Variants in NCAM2 observed in about 807,000 individuals in gnomAD.
NCAM2 encodes the protein N-CAM-2.
In NCAM2, 30 loss-of-function variants were observed where a neutral mutation model predicts 98.1. That is an observed-to-expected ratio of 0.31 (90% confidence interval 0.23 to 0.41). The LOEUF is 0.41. Among genes scored for constraint, NCAM2 ranks in the 10% least tolerant of loss-of-function variants. The pLI is 1.00. For synonymous variants in NCAM2, 368 were observed against 342.4 expected (o/e 1.07, Z -0.83); for missense variants, 867 against 1,005.8 (o/e 0.86, Z 1.87).
chr21:21,313,269 A>G (rs117097834), intron 5 of NCAM2, among the ~76,000 whole-genome samples: 1 of 151,238 alleles, frequency 6.6e-6, no homozygotes, highest in Non-Finnish European at 1.5e-5. Flanking sequence ...ATTTTTGCTT[A>G]TTTTGCTCTT....
At chr21:21,096,297 G>T (rs1381475069) in intron 1 of NCAM2, among the ~76,000 whole-genome samples, 1 of 151,384 alleles carries the variant, frequency 6.6e-6, no homozygotes, top group African/African-American at 2.4e-5. Context: ...ATTTTCACTA[G>T]ATATTAACGA....
At chr21:21,426,828 T>C (rs142025068) in intron 11 of NCAM2, among the ~76,000 whole-genome samples, 7 of 152,286 alleles carry the variant, frequency 4.6e-5, no homozygotes, top group African/African-American at 1.7e-4. Context: ...CTTAGAACCA[T>C]AGCAGCAAGT....
rs371852300 is a variant in NCAM2, at chr21:21,022,438, A to T, written c.55+23820A>T. On this transcript the variant is annotated intron_variant, in intron 1 of 17. Transcript: ENST00000400546. The stretch of plus-strand genomic sequence containing the variant: ...ATGTCCTGCCTAACTAAATTATTTT[A>T]ATTTTTGCATGGCTTTAAATGTTCT... Among the ~76,000 whole-genome samples the T allele has an allele frequency of 7.9e-5, 12 of 152,192 alleles. No individual in the cohort carries two copies. The East Asian group carries it at 2.1e-3, about 27-fold the overall frequency.
intron 15 of NCAM2, among the ~76,000 whole-genome samples, chr21:21,490,866 A>G (rs1242536383): frequency 6.6e-6 from 1 of 151,812 alleles, no homozygotes; most frequent in African/African-American, 2.4e-5. Context: ...CCTCAACATA[A>G]TATCCAGCAC....
At chr21:21,492,950 C>T (rs911166445) in intron 15 of NCAM2, among the ~76,000 whole-genome samples, 4 of 151,852 alleles carry the variant, frequency 2.6e-5, no homozygotes, top group African/African-American at 7.2e-5. Context: ...TATAATTTCA[C>T]AATAGCTGAA....
At chr21:21,385,836 C>G in intron 9 of NCAM2, 1 of 165,992 alleles carries the variant, frequency 6.0e-6, no homozygotes, top group Non-Finnish European at 1.2e-5. Context: ...ATTAATTAGA[C>G]TTAATTATTT....
At chr21:21,299,032 A>G (rs2073604901) in intron 5 of NCAM2, among the ~76,000 whole-genome samples, 1 of 151,492 alleles carries the variant, frequency 6.6e-6, no homozygotes, top group Non-Finnish European at 1.5e-5. Flanking sequence ...ACTTATAGAA[A>G]TCTATAGGGA....
intron 1 of NCAM2, among the ~76,000 whole-genome samples, chr21:21,112,761 T>C (rs1387013545): frequency 6.6e-6 from 1 of 152,166 alleles, no homozygotes; most frequent in East Asian, 1.9e-4. Flanking sequence ...TAGCAGATTA[T>C]TATAGGAGAT....
intron 9 of NCAM2, among the ~76,000 whole-genome samples, chr21:21,382,542 G>C (rs1490796957): frequency 1.4e-5 from 2 of 147,458 alleles, no homozygotes; most frequent in East Asian, 2.0e-4. Context: ...TTGAGATGGA[G>C]TCTTGCTTTG....
chr21:21,501,082 C>A (rs1176161694), intron 15 of NCAM2, among the ~76,000 whole-genome samples: 1 of 152,008 alleles, frequency 6.6e-6, no homozygotes, highest in Non-Finnish European at 1.5e-5. Context: ...CACATTGACT[C>A]TTTGAACTAC....
At chr21:21,001,268 A>G (rs1361409601) in intron 1 of NCAM2, among the ~76,000 whole-genome samples, 3 of 152,226 alleles carry the variant, frequency 2.0e-5, no homozygotes, top group Non-Finnish European at 4.4e-5. Context: ...CTCTCAATAC[A>G]ACCTTATTGT....
At chr21:21,253,769 C>G (rs1028040298) in intron 1 of NCAM2, among the ~76,000 whole-genome samples, 1 of 152,102 alleles carries the variant, frequency 6.6e-6, no homozygotes, top group Non-Finnish European at 1.5e-5. Context: ...AGTATTCAAA[C>G]TTAAAATGCT....
At chr21:21,066,519 A>G (rs979843718) in intron 1 of NCAM2, among the ~76,000 whole-genome samples, 2 of 152,124 alleles carry the variant, frequency 1.3e-5, no homozygotes, top group Non-Finnish European at 2.9e-5. Context: ...GGACACAGCT[A>G]AAAAATGATG....
rs1568855548 is a variant in NCAM2, at chr21:21,265,052, C to CTGTGTATATATATACACATA, written c.56-15525_56-15524insGTGTATATATATACACATAT. Among the ~76,000 whole-genome samples, 20 of 4,520 alleles carry CTGTGTATATATATACACATA rather than the reference C, an allele frequency of 4.4e-3. No homozygotes were observed. The East Asian group carries it at 0.083, about 19-fold the overall frequency. 3.0% of individuals were successfully genotyped at this position (4,520 alleles called of 152,430 possible). On this transcript the variant is annotated intron_variant, in intron 1 of 17. Coordinates refer to ENST00000400546, the MANE Select transcript of NCAM2 (RefSeq NM_004540.5). ...CTGTGTATATATGTACACATATATACTATATATGTGTATGTGTATATATAT... is the reference window on the plus strand; with the variant it reads ...CTGTGTATATATGTACACATATATACTGTGTATATATATACACATATATATATGTGTATGTGTATATATAT...
chr21:21,491,832 A>G (rs1207376445), intron 15 of NCAM2, among the ~76,000 whole-genome samples: 1 of 151,618 alleles, frequency 6.6e-6, no homozygotes, highest in Non-Finnish European at 1.5e-5. Flanking sequence ...TAATGCATTT[A>G]TAAGTCTTAT....
At chr21:21,185,480 T>TA (rs1192672545) in intron 1 of NCAM2, among the ~76,000 whole-genome samples, 1 of 152,174 alleles carries the variant, frequency 6.6e-6, no homozygotes, top group South Asian at 2.1e-4. Flanking sequence ...ACTTTACTTG[T>TA]AAAAAATTGC....
At chr21:21,410,865 G>C (rs1222402950) in intron 10 of NCAM2, among the ~76,000 whole-genome samples, 2 of 149,416 alleles carry the variant, frequency 1.3e-5, no homozygotes, top group African/African-American at 4.9e-5. Flanking sequence ...AAATTAGCTG[G>C]GTGTGGTGGT....
At chr21:21,165,644 C>T (rs1272429925) in intron 1 of NCAM2, among the ~76,000 whole-genome samples, 1 of 152,176 alleles carries the variant, frequency 6.6e-6, no homozygotes, top group Non-Finnish European at 1.5e-5. Flanking sequence ...CTATTCCACC[C>T]ATCTGGCCCT....
chr21:21,057,898 C>G (rs1054127136), intron 1 of NCAM2, among the ~76,000 whole-genome samples: 2 of 151,994 alleles, frequency 1.3e-5, no homozygotes, highest in Non-Finnish European at 2.9e-5. Context: ...TTTCCCTACC[C>G]CTTATGGAGA....
Sources: gnomAD v4.1 joint callset for allele counts (sites outside exome capture counted in the v4.1 genomes callset) on GRCh38, gnomAD v4.1.1 for gene constraint, MANE v1.5 for transcripts, NCBI Gene and HGNC (gene_info 2026-07-23, HGNC 2026-07-21) for gene names.